CRIM1: variants seen among roughly 807,000 people sequenced by gnomAD.
CRIM1 encodes the protein cysteine rich transmembrane BMP regulator 1, also known as cysteine-rich motor neuron 1 protein.
A neutral mutation model predicts 116.4 loss-of-function variants in CRIM1; 32 were observed. The ratio of observed to expected loss-of-function variants is 0.27; its 90% CI spans 0.21 to 0.37. The LOEUF (loss-of-function observed/expected upper bound fraction) is 0.37, where lower values mean the gene tolerates loss of function less well. CRIM1 is among the 10% of genes least tolerant of loss of function. CRIM1 has a pLI of 1.00. For synonymous variants in CRIM1, 590 were observed against 509.2 expected, an observed-to-expected ratio of 1.16 and a Z score of -2.13; for missense variants, 1,331 against 1,354.8, an observed-to-expected ratio of 0.98 and a Z score of 0.28.
intron 2 of CRIM1, among the ~76,000 whole-genome samples, chr2:36,422,303 T>C (rs1452235027): frequency 6.6e-6 from 1 of 152,126 alleles, no homozygotes; most frequent in Non-Finnish European, 1.5e-5. Context: ...AGTCTTTAAT[T>C]TGAATGTCTG....
intron 8 of CRIM1, among the ~76,000 whole-genome samples, chr2:36,503,488 C>A (rs905586844): frequency 1.3e-5 from 2 of 152,220 alleles, no homozygotes; most frequent in African/African-American, 4.8e-5. Context: ...ATAGCATCTT[C>A]TTCTGAGTCG....
intron 2 of CRIM1, among the ~76,000 whole-genome samples, chr2:36,436,986 T>C (rs1437469652): frequency 6.6e-6 from 1 of 152,256 alleles, no homozygotes; most frequent in African/African-American, 2.4e-5. Context: ...GATTGAAATA[T>C]TCAAAGCATA....
intron 2 of CRIM1, among the ~76,000 whole-genome samples, chr2:36,437,860 G>A (rs1417460834): frequency 2.0e-5 from 3 of 151,828 alleles, no homozygotes; most frequent in Non-Finnish European, 4.4e-5. Flanking sequence ...CCAGCCGGGC[G>A]CGGTGGCTCA....
intron 2 of CRIM1, among the ~76,000 whole-genome samples, chr2:36,405,088 G>A (rs1406119099): frequency 3.3e-5 from 5 of 152,130 alleles, no homozygotes; most frequent in Non-Finnish European, 5.9e-5. Context: ...CATCTGTAAT[G>A]TTTGTCAGTA....
intron 2 of CRIM1, among the ~76,000 whole-genome samples, chr2:36,435,179 G>A (rs748043567): frequency 3.3e-5 from 5 of 152,046 alleles, no homozygotes; most frequent in African/African-American, 7.2e-5. Context: ...GGGAGGTGTC[G>A]GAAAAAACAG....
intron 2 of CRIM1, among the ~76,000 whole-genome samples, chr2:36,414,109 G>A (rs1673426755): frequency 6.6e-6 from 1 of 152,250 alleles, no homozygotes; most frequent in South Asian, 2.1e-4. Flanking sequence ...ATTCAGTTGG[G>A]TACCATATGC....
chr2:36,433,154 T>C (rs1016554865), intron 2 of CRIM1, among the ~76,000 whole-genome samples: 1 of 152,216 alleles, frequency 6.6e-6, no homozygotes, highest in South Asian at 2.1e-4. Context: ...CAAACTTTAC[T>C]GTGCATCTTG....
At chr2:36,453,555 A>G (rs1676896032) in intron 4 of CRIM1, among the ~76,000 whole-genome samples, 1 of 152,222 alleles carries the variant, frequency 6.6e-6, no homozygotes, top group South Asian at 2.1e-4. Context: ...AGTCTGCAGC[A>G]AAAGTCCTAG....
chr2:36,463,318 A>G (rs1677725644), intron 4 of CRIM1, among the ~76,000 whole-genome samples: 1 of 152,222 alleles, frequency 6.6e-6, no homozygotes, highest in African/African-American at 2.4e-5. Flanking sequence ...TAAAGATCCA[A>G]AGAACAATAA....
chr2:36,506,439 G>T (rs1054503902), intron 8 of CRIM1, among the ~76,000 whole-genome samples: 5 of 152,040 alleles, frequency 3.3e-5, no homozygotes, highest in African/African-American at 1.2e-4. Flanking sequence ...CAGCAAAGAA[G>T]TATGCAGTAC....
chr2:36,509,243 C>T (rs1177859155), intron 8 of CRIM1, among the ~76,000 whole-genome samples: 1 of 152,110 alleles, frequency 6.6e-6, no homozygotes, highest in African/African-American at 2.4e-5. Flanking sequence ...ATGGGATGGG[C>T]GCAGTGACTC....
At chr2:36,527,278 GT>G (rs1224662535) in intron 13 of CRIM1, among the ~76,000 whole-genome samples, 4 of 151,992 alleles carry the variant, frequency 2.6e-5, no homozygotes, top group East Asian at 1.9e-4. Flanking sequence ...TCATTGAAGT[GT>G]TTTTAAGTGT....
chr2:36,429,845 G>C (rs1674741224), intron 2 of CRIM1, among the ~76,000 whole-genome samples: 1 of 152,220 alleles, frequency 6.6e-6, no homozygotes, highest in Admixed American at 6.5e-5. Flanking sequence ...GTGGTCTAAA[G>C]AGTGTTGGGA....
chr2:36,393,772 G>T (rs1671806634), intron 1 of CRIM1, among the ~76,000 whole-genome samples: 1 of 152,212 alleles, frequency 6.6e-6, no homozygotes, highest in African/African-American at 2.4e-5. Context: ...CCCGAGTAAA[G>T]CATGGGAGCA....
At chr2:36,444,809 C>A (rs1295202359) in intron 4 of CRIM1, among the ~76,000 whole-genome samples, 1 of 152,202 alleles carries the variant, frequency 6.6e-6, no homozygotes, top group Non-Finnish European at 1.5e-5. Flanking sequence ...GTTGCCACTA[C>A]CTCTTCCCGG....
At chr2:36,388,906 CT>C in intron 1 of CRIM1, among the ~76,000 whole-genome samples, 1 of 152,176 alleles carries the variant, frequency 6.6e-6, no homozygotes, top group Non-Finnish European at 1.5e-5. Flanking sequence ...TGGATCAGTA[CT>C]GCTTGTTTTT....
chr2:36,376,065 G>A (rs1384128428), intron 1 of CRIM1, among the ~76,000 whole-genome samples: 1 of 152,100 alleles, frequency 6.6e-6, no homozygotes, highest in Non-Finnish European at 1.5e-5. Flanking sequence ...TAGAAAAAAA[G>A]GTTTAGAAAG....
At chr2:36,496,497 C>G (rs184380454) in intron 7 of CRIM1, among the ~76,000 whole-genome samples, 1 of 152,216 alleles carries the variant, frequency 6.6e-6, no homozygotes, top group Admixed American at 6.5e-5. Flanking sequence ...TTCAGAGGCA[C>G]AAAATGATTT....
At chr2:36,506,157 A>ACTCTCT (rs1191448142) in intron 8 of CRIM1, among the ~76,000 whole-genome samples, 8 of 125,198 alleles carry the variant, frequency 6.4e-5, no homozygotes, top group Middle Eastern at 3.6e-3. Flanking sequence ...ACACACACAC[A>ACTCTCT]CTCTCTCTCT....
Sources: allele counts gnomAD v4.1 joint callset (sites outside exome capture counted in the v4.1 genomes callset), GRCh38; gene constraint gnomAD v4.1.1; transcripts MANE v1.5; gene names NCBI Gene and HGNC (gene_info 2026-07-23, HGNC 2026-07-21).